The following SLC36A1 variants were observed in gnomAD, a reference collection of about 807,000 sequenced individuals.
The protein encoded by SLC36A1 is proton-coupled amino acid transporter 1.
A neutral mutation model predicts 47.5 loss-of-function variants in SLC36A1; 30 were observed. The ratio of observed to expected loss-of-function variants is 0.63; its 90% CI spans 0.47 to 0.86. SLC36A1 has a LOEUF of 0.86. Among genes scored for constraint, SLC36A1 ranks in the 40% least tolerant of loss-of-function variants. The pLI is 0.00. For missense variants in SLC36A1, 517 were observed against 606.0 expected (o/e 0.85, Z 1.54); for synonymous variants, 255 against 249.7 (o/e 1.02, Z -0.20).
chr5:151,482,171 A>G (rs12109083), intron 10 of SLC36A1, among the ~76,000 whole-genome samples: 10,457 of 152,224 alleles, frequency 0.069, 1,118 homozygotes, highest in African/African-American at 0.24. Flanking sequence ...TCCAGGTCCA[A>G]ACAGAGTAGC....
At chr5:151,541,561 T>C in the SLC36A1 span, among the ~76,000 whole-genome samples, 9 of 151,964 alleles carry the variant, frequency 5.9e-5, no homozygotes, top group African/African-American at 1.9e-4. Flanking sequence ...TTCATGGGAA[T>C]GGGGGGACAT....
At chr5:151,459,018 A>C (rs1057154179) in intron 2 of SLC36A1, 83 bp downstream of exon 2, 4 of 1,441,982 alleles carry the variant, frequency 2.8e-6, no homozygotes, top group Non-Finnish European at 3.8e-6. Flanking sequence ...CCCCAATTTC[A>C]TCAGTCCTCC....
the SLC36A1 span, among the ~76,000 whole-genome samples, chr5:151,535,394 T>C: frequency 3.9e-5 from 6 of 152,034 alleles, no homozygotes; most frequent in Non-Finnish European, 8.8e-5. Context: ...TCTCCTGCCT[T>C]ATACCCTGGG....
At chr5:151,482,759 A>T (rs1758973840) in intron 10 of SLC36A1, among the ~76,000 whole-genome samples, 1 of 152,136 alleles carries the variant, frequency 6.6e-6, no homozygotes, top group East Asian at 1.9e-4. Context: ...CGTATTTTTT[A>T]AATTTATACC....
chr5:151,497,607 G>A, the SLC36A1 span, among the ~76,000 whole-genome samples: 1 of 152,194 alleles, frequency 6.6e-6, no homozygotes, highest in African/African-American at 2.4e-5. Flanking sequence ...TTTGCCCCAG[G>A]CTGGATTTCC....
chr5:151,386,859 A>G, the SLC36A1 span, among the ~76,000 whole-genome samples: 2 of 152,230 alleles, frequency 1.3e-5, no homozygotes, highest in Admixed American at 1.3e-4. Flanking sequence ...TTTTAATTTA[A>G]GTTGTCCAGA....
the SLC36A1 span, among the ~76,000 whole-genome samples, chr5:151,418,339 C>T: frequency 6.6e-6 from 1 of 152,218 alleles, no homozygotes; most frequent in South Asian, 2.1e-4. Flanking sequence ...TGACAACTTG[C>T]ACTGTGCACC....
At chr5:151,420,327 G>T in the SLC36A1 span, among the ~76,000 whole-genome samples, 2 of 152,198 alleles carry the variant, frequency 1.3e-5, no homozygotes, top group Non-Finnish European at 2.9e-5. Context: ...TTCACTGAAT[G>T]CCTTGGGTCA....
Position 151,463,542 on chromosome 5 carries a change from T to G in SLC36A1, c.144-11T>G, listed in dbSNP as rs369926180. ...CATGGTTATCATTTCCTTGGCTGTC[T>G]TCCACTTCAGATGGTTCCAGACCTT... is the stretch of plus-strand genomic sequence containing the variant. On this transcript the variant is annotated splice_polypyrimidine_tract_variant and intron_variant, in intron 2 of 10. Coordinates refer to ENST00000243389, the MANE Select transcript of SLC36A1 (RefSeq NM_078483.4). The G allele has an allele frequency of 1.2e-6, 2 of 1,606,172 alleles. No homozygotes were observed. Among genetic ancestry groups the G allele is most frequent in the Non-Finnish European group, 1.7e-6 (2 of 1,172,730 alleles).
the SLC36A1 span, chr5:151,422,191 G>A: frequency 6.6e-6 from 1 of 152,284 alleles, no homozygotes; most frequent in Admixed American, 6.5e-5. Context: ...TGCATGGCCA[G>A]GAGGCATGTT....
upstream of SLC36A1, among the ~76,000 whole-genome samples, chr5:151,433,461 G>GT (rs935190869): frequency 1.4e-5 from 2 of 147,040 alleles, no homozygotes; most frequent in African/African-American, 5.0e-5. Flanking sequence ...TTTTTTTTGT[G>GT]TGTGTTTTTA....
chr5:151,554,733 T>TTGCCACCCACCACAGCCC, the SLC36A1 span: 1 of 1,310,196 alleles, frequency 7.6e-7, no homozygotes, highest in African/African-American at 1.5e-5. Context: ...TGACTATGCT[T>TTGCCACCCACCACAGCCC]TAACAACCTG....
chr5:151,349,438 C>T, the SLC36A1 span, among the ~76,000 whole-genome samples: 3 of 152,128 alleles, frequency 2.0e-5, no homozygotes, highest in Non-Finnish European at 4.4e-5. Flanking sequence ...GTGGCCCAGG[C>T]ATCCGAAGCC....
the SLC36A1 span, chr5:151,505,940 G>GC: frequency 1.3e-6 from 2 of 1,580,566 alleles, no homozygotes; most frequent in Non-Finnish European, 1.7e-6. Flanking sequence ...GGAAGGGGAA[G>GC]CCCCCATAGA....
the SLC36A1 span, chr5:151,531,711 C>G: frequency 6.2e-7 from 1 of 1,613,936 alleles, no homozygotes; most frequent in Non-Finnish European, 8.5e-7. This position sits in a 1 kb window ranked among gnomAD's most constrained non-coding sequence, Gnocchi z 5.7. Context: ...GTGGGGCGTC[C>G]TCGGGCACCT....
At chr5:151,449,029 G>A (rs1196219857) in intron 1 of SLC36A1, among the ~76,000 whole-genome samples, 1 of 152,158 alleles carries the variant, frequency 6.6e-6, no homozygotes, top group Non-Finnish European at 1.5e-5. Context: ...TGCGATTACA[G>A]GGGTGTGAGC....
At chr5:151,372,581 C>T in the SLC36A1 span, among the ~76,000 whole-genome samples, 3 of 152,050 alleles carry the variant, frequency 2.0e-5, no homozygotes, top group South Asian at 6.2e-4. Context: ...GTAGCTAGGA[C>T]TTCAGGTGCA....
At chr5:151,452,512 A>C (rs1375675260) in intron 1 of SLC36A1, 2 of 152,234 alleles carry the variant, frequency 1.3e-5, no homozygotes, top group East Asian at 3.8e-4. Context: ...GGGTGTACCT[A>C]TCATAATAAG....
At chr5:151,420,562 A>G in the SLC36A1 span, among the ~76,000 whole-genome samples, 1 of 152,230 alleles carries the variant, frequency 6.6e-6, no homozygotes, top group African/African-American at 2.4e-5. Context: ...GCAGGAGCTC[A>G]TAATCCTAAG....
Sources: allele counts gnomAD v4.1 joint callset (sites outside exome capture counted in the v4.1 genomes callset), GRCh38; gene constraint gnomAD v4.1.1; non-coding constraint Gnocchi (gnomAD v3.1); transcripts MANE v1.5; gene names NCBI Gene and HGNC (gene_info 2026-07-23, HGNC 2026-07-21).